TRAF3IP1: variants seen among roughly 807,000 people sequenced by gnomAD.
TRAF3IP1 encodes the protein intraflagellar transport 54.
Under a neutral mutation model 89.9 loss-of-function variants are expected in TRAF3IP1, and 53 were observed. That is an observed-to-expected ratio of 0.59 (90% confidence interval 0.47 to 0.74). The LOEUF (loss-of-function observed/expected upper bound fraction) is 0.74, where lower values mean the gene tolerates loss of function less well. Among genes scored for constraint, TRAF3IP1 ranks in the 30% least tolerant of loss-of-function variants. The pLI is 0.00. For synonymous variants in TRAF3IP1, 311 were observed against 322.1 expected, an observed-to-expected ratio of 0.97 and a Z score of 0.37; for missense variants, 806 against 866.1, an observed-to-expected ratio of 0.93 and a Z score of 0.87.
intron 11 of TRAF3IP1, 127 bp from the exon 12 acceptor site, chr2:238,349,198 G>A (rs1452193963): frequency 5.9e-6 from 5 of 846,578 alleles, no homozygotes; most frequent in African/African-American, 1.7e-5. Flanking sequence ...GCAGAGTAGC[G>A]TGTCCTAACC....
intron 15 of TRAF3IP1, among the ~76,000 whole-genome samples, chr2:238,390,954 T>C (rs201813372): frequency 1.3e-5 from 2 of 152,114 alleles, no homozygotes; most frequent in South Asian, 2.1e-4. Context: ...TCCTTTTCTT[T>C]TCTTTTTTCT....
At chr2:238,358,364 C>G (rs1187126580) in intron 15 of TRAF3IP1, among the ~76,000 whole-genome samples, 1 of 152,154 alleles carries the variant, frequency 6.6e-6, no homozygotes, top group Non-Finnish European at 1.5e-5. Flanking sequence ...TGGCCAATCC[C>G]CTTTCTACTA....
At chr2:238,337,533 C>T (rs1397183702) in intron 7 of TRAF3IP1, among the ~76,000 whole-genome samples, 1 of 152,240 alleles carries the variant, frequency 6.6e-6, no homozygotes, top group Non-Finnish European at 1.5e-5. Context: ...TTGTAGAAGG[C>T]CTCCTTTTAA....
At chr2:238,359,201 T>A (rs971299225) in intron 15 of TRAF3IP1, among the ~76,000 whole-genome samples, 2 of 152,208 alleles carry the variant, frequency 1.3e-5, no homozygotes, top group African/African-American at 4.8e-5. Flanking sequence ...TAGGCCACTT[T>A]CCTCCTCAAA....
chr2:238,393,349 G>A (rs149869908), intron 15 of TRAF3IP1, among the ~76,000 whole-genome samples: 1 of 152,286 alleles, frequency 6.6e-6, no homozygotes, highest in African/African-American at 2.4e-5. Flanking sequence ...TCAGTGAAAT[G>A]TGTCTTTTGC....
intron 12 of TRAF3IP1, among the ~76,000 whole-genome samples, chr2:238,352,602 G>T (rs1045176022): frequency 1.3e-5 from 2 of 152,046 alleles, no homozygotes; most frequent in Non-Finnish European, 2.9e-5. Context: ...GGGGAAGCTG[G>T]GTGGGGGTGG....
intron 15 of TRAF3IP1, among the ~76,000 whole-genome samples, chr2:238,367,272 G>C (rs1699924416): frequency 6.6e-6 from 1 of 151,480 alleles, no homozygotes; most frequent in African/African-American, 2.4e-5. Flanking sequence ...GTGGAGAGAA[G>C]TGTAGGAGGT....
At chr2:238,329,546 C>G (rs986502072) in intron 5 of TRAF3IP1, among the ~76,000 whole-genome samples, 1 of 151,988 alleles carries the variant, frequency 6.6e-6, no homozygotes, top group African/African-American at 2.4e-5. Context: ...TTTGTTCATC[C>G]CCTAATAGAA....
intron 16 of TRAF3IP1, 142 bp from the exon 17 acceptor site, chr2:238,398,612 T>C: frequency 1.1e-6 from 1 of 915,766 alleles, no homozygotes; most frequent in Non-Finnish European, 1.6e-6. Flanking sequence ...GTAGCAGGGG[T>C]TGTGAAAATA....
intron 15 of TRAF3IP1, among the ~76,000 whole-genome samples, chr2:238,392,910 T>G (rs1002311793): frequency 3.3e-5 from 5 of 152,238 alleles, no homozygotes; most frequent in Admixed American, 2.0e-4. Flanking sequence ...TAGTTTTCCC[T>G]GGTGTGGATG....
chr2:238,326,177 G>A (rs1012514608), intron 3 of TRAF3IP1, among the ~76,000 whole-genome samples: 2 of 152,316 alleles, frequency 1.3e-5, no homozygotes, highest in East Asian at 1.9e-4. Flanking sequence ...ACAAATAAGG[G>A]TATGTAATAC....
chr2:238,375,790 G>A (rs1165518680), intron 15 of TRAF3IP1, among the ~76,000 whole-genome samples: 2 of 152,140 alleles, frequency 1.3e-5, no homozygotes, highest in African/African-American at 4.8e-5. Context: ...AAATCCTTCT[G>A]TATTCCAAGG....
In TRAF3IP1 at chr2:238,396,876, GTGCTGCTGGC is replaced by G. The variant is rs542262809; in HGVS notation, c.1690-562_1690-553del. Among the ~76,000 whole-genome samples, 371 of 152,244 alleles carry G rather than the reference GTGCTGCTGGC, an allele frequency of 2.4e-3. 1 individual carries two copies. Among genetic ancestry groups the G allele is most frequent in the East Asian group, 4.5e-3 (23 of 5,166 alleles). On this transcript the variant is annotated intron_variant, in intron 15 of 16. Coordinates refer to ENST00000373327, the MANE Select transcript of TRAF3IP1 (RefSeq NM_015650.4). ...GTCGACCTGACCATCTGCCTGCTGG[GTGCTGCTGGC>G]TGCTGCTGGCTGCTGCTGGCGCTGG...
chr2:238,374,358 C>T (rs971515009), intron 15 of TRAF3IP1, among the ~76,000 whole-genome samples: 8 of 152,104 alleles, frequency 5.3e-5, no homozygotes, highest in African/African-American at 1.7e-4. Flanking sequence ...CGAGTTTGGT[C>T]GAAGGCCTTT....
chr2:238,322,473 G>C (rs1697600372), intron 1 of TRAF3IP1, among the ~76,000 whole-genome samples: 1 of 152,296 alleles, frequency 6.6e-6, no homozygotes, highest in Non-Finnish European at 1.5e-5. Context: ...CAGATCACTT[G>C]AGCCCAGATG....
intron 15 of TRAF3IP1, among the ~76,000 whole-genome samples, chr2:238,396,531 A>T (rs1027722118): frequency 4.6e-5 from 7 of 151,832 alleles, no homozygotes; most frequent in Non-Finnish European, 1.0e-4. Context: ...AAGTATAATA[A>T]TAATAAAAAA....
chr2:238,348,706 A>G (rs1387551558), intron 10 of TRAF3IP1, 58 bp from the exon 11 acceptor site: 7 of 1,438,560 alleles, frequency 4.9e-6, no homozygotes, highest in Non-Finnish European at 2.9e-6. Context: ...AGTATTTTCA[A>G]ATAGTTATCT....
At chr2:238,354,240 T>C (rs1340067963) in intron 14 of TRAF3IP1, among the ~76,000 whole-genome samples, 4 of 152,244 alleles carry the variant, frequency 2.6e-5, no homozygotes, top group African/African-American at 7.2e-5. Flanking sequence ...TGTTTTCTGA[T>C]ACGACAAGGT....
chr2:238,368,499 A>G (rs1361504200), intron 15 of TRAF3IP1, among the ~76,000 whole-genome samples: 2 of 152,150 alleles, frequency 1.3e-5, no homozygotes, highest in East Asian at 1.9e-4. Context: ...AAGCCTCTTG[A>G]TAATACTTAC....
Sources: allele counts gnomAD v4.1 joint callset (sites outside exome capture counted in the v4.1 genomes callset), GRCh38; gene constraint gnomAD v4.1.1; transcripts MANE v1.5; gene names NCBI Gene and HGNC (gene_info 2026-07-23, HGNC 2026-07-21).